The following HMBOX1 variants were observed in gnomAD, a reference collection of about 807,000 sequenced individuals.
The protein encoded by HMBOX1 is homeobox-containing protein 1.
In HMBOX1, 14 loss-of-function variants were observed where a neutral mutation model predicts 54.5. The observed-to-expected ratio is 0.26, with a 90% CI of 0.17 to 0.40. HMBOX1 has a LOEUF of 0.40. Among genes scored for constraint, HMBOX1 ranks in the 10% least tolerant of loss-of-function variants. HMBOX1 has a pLI of 1.00. For synonymous variants in HMBOX1, 160 were observed against 181.0 expected, an observed-to-expected ratio of 0.88 and a Z score of 0.93; for missense variants, 332 against 514.4, an observed-to-expected ratio of 0.65 and a Z score of 3.43.
intron 5 of HMBOX1, 197 bp downstream of exon 5, chr8:29,009,379 TA>T (rs1450304755): frequency 1.3e-6 from 1 of 768,090 alleles, no homozygotes; most frequent in African/African-American, 1.9e-5. Context: ...TAATATTATC[TA>T]GTCATATTCA....
intron 1 of HMBOX1, among the ~76,000 whole-genome samples, chr8:28,932,322 T>G (rs547367179): frequency 6.6e-6 from 1 of 152,200 alleles, no homozygotes; most frequent in African/African-American, 2.4e-5. Context: ...TTGCAAGATT[T>G]TAAGTGGGAG....
At chr8:28,971,290 C>T (rs918485016) in intron 3 of HMBOX1, among the ~76,000 whole-genome samples, 8 of 151,916 alleles carry the variant, frequency 5.3e-5, no homozygotes, top group African/African-American at 1.7e-4. Flanking sequence ...GGAGTTTTTC[C>T]ATGTTGATCA....
Position 28,924,471 on chromosome 8 carries a change from G to T in HMBOX1, c.-58+33793G>T, listed in dbSNP as rs542287892. ...TCTAATTTTTTTTTTTTTTTTTTTG[G>T]TTACCTGTGCTTTTGGTGTCTTGCC... On this transcript the variant is annotated intron_variant, in intron 1 of 9. Coordinates refer to ENST00000287701, the MANE Select transcript of HMBOX1 (RefSeq NM_001135726.3). Among the ~76,000 whole-genome samples, 423 of 116,950 alleles carry T rather than the reference G, an allele frequency of 3.6e-3. 1 individual carries two copies. Among genetic ancestry groups the T allele is most frequent in the Middle Eastern group, 0.023 (5 of 220 alleles). The allele number at this position is 116,950 out of a possible 152,430, so 76.7% of individuals were successfully genotyped here.
chr8:28,896,501 T>C (rs975633530), intron 1 of HMBOX1, among the ~76,000 whole-genome samples: 5 of 148,826 alleles, frequency 3.4e-5, no homozygotes, highest in Admixed American at 1.3e-4. Context: ...AGGAGAAAGA[T>C]AACCAATTAT....
rs189084399 is a variant in HMBOX1 at position 28,941,982 on chromosome 8, C to T, written c.-57-21829C>T. Among the ~76,000 whole-genome samples the T allele has an allele frequency of 2.4e-3, 368 of 152,312 alleles. 4 individuals are homozygous for T. The highest frequency in any genetic ancestry group is 8.7e-3 in the African/African-American group (360 of 41,568). ...CAAGAACAGAAACGAATACTCTTTCCTTACAGCCTCCTTGGGAAGTCCATC... is the reference window on the plus strand; with the variant it reads ...CAAGAACAGAAACGAATACTCTTTCTTTACAGCCTCCTTGGGAAGTCCATC... On this transcript the variant is annotated intron_variant, in intron 1 of 9. Transcript: ENST00000287701.
At chr8:29,022,315 G>C (rs1801314262) in intron 6 of HMBOX1, among the ~76,000 whole-genome samples, 1 of 152,170 alleles carries the variant, frequency 6.6e-6, no homozygotes, top group East Asian at 1.9e-4. Context: ...CCACTCGGGA[G>C]GCTGAGGCAG....
chr8:28,900,291 T>TATATATATATA (rs1554519282), intron 1 of HMBOX1, among the ~76,000 whole-genome samples: 9 of 143,634 alleles, frequency 6.3e-5, no homozygotes, highest in South Asian at 2.2e-4. Context: ...TATATATATA[T>TATATATATATA]TTTGTTTCCT....
At chr8:28,982,676 A>C (rs992854457) in intron 4 of HMBOX1, among the ~76,000 whole-genome samples, 1 of 150,824 alleles carries the variant, frequency 6.6e-6, no homozygotes, top group Non-Finnish European at 1.5e-5. Flanking sequence ...CCCAAGCTAG[A>C]GTGCAATGGT....
At chr8:28,952,150 C>T (rs1328624290) in intron 1 of HMBOX1, among the ~76,000 whole-genome samples, 1 of 139,014 alleles carries the variant, frequency 7.2e-6, no homozygotes, top group African/African-American at 2.6e-5. Context: ...CAGAGTAAGA[C>T]CCTATCTTAA....
At chr8:28,968,156 A>G (rs183764450) in intron 2 of HMBOX1, among the ~76,000 whole-genome samples, 1 of 152,336 alleles carries the variant, frequency 6.6e-6, no homozygotes, top group Non-Finnish European at 1.5e-5. Context: ...TTCAGTAAAA[A>G]CATACGACAT....
At chr8:28,961,294 T>A (rs1170468457) in intron 1 of HMBOX1, among the ~76,000 whole-genome samples, 3 of 152,194 alleles carry the variant, frequency 2.0e-5, no homozygotes, top group Non-Finnish European at 4.4e-5. Context: ...TATACAGCAG[T>A]CACCACCATC....
intron 4 of HMBOX1, 127 bp from the exon 5 acceptor site, chr8:29,008,945 C>G: frequency 1.6e-6 from 1 of 619,634 alleles, no homozygotes; most frequent in Non-Finnish European, 2.9e-6. Context: ...ATAGTTTGCT[C>G]AGGTTGCAAC....
intron 8 of HMBOX1, chr8:29,048,676 C>T: frequency 3.1e-6 from 1 of 326,624 alleles, no homozygotes; most frequent in South Asian, 4.9e-5. Context: ...TCTATAGAAC[C>T]CCAAGATAGG....
intron 4 of HMBOX1, among the ~76,000 whole-genome samples, chr8:28,981,099 C>T (rs1829262878): frequency 6.6e-6 from 1 of 152,140 alleles, no homozygotes; most frequent in East Asian, 1.9e-4. Context: ...ATGATACATA[C>T]TGAAGCTAAT....
At chr8:28,927,889 C>T (rs1304272406) in intron 1 of HMBOX1, among the ~76,000 whole-genome samples, 3 of 147,018 alleles carry the variant, frequency 2.0e-5, no homozygotes, top group African/African-American at 7.6e-5. Flanking sequence ...GTAATCCCAG[C>T]ACTTTGAGAG....
intron 1 of HMBOX1, among the ~76,000 whole-genome samples, chr8:28,957,843 G>A (rs1461421063): frequency 6.6e-6 from 1 of 151,874 alleles, no homozygotes; most frequent in Non-Finnish European, 1.5e-5. Context: ...GGCTGGTCTC[G>A]AGCTCTTGAC....
intron 1 of HMBOX1, among the ~76,000 whole-genome samples, chr8:28,903,545 A>G (rs2131591007): frequency 1.3e-5 from 2 of 152,276 alleles, no homozygotes; most frequent in South Asian, 4.1e-4. Context: ...CAACCTCCTC[A>G]ATAATCCTGT....
chr8:28,923,240 C>G (rs527650092), intron 1 of HMBOX1, among the ~76,000 whole-genome samples: 14 of 152,286 alleles, frequency 9.2e-5, no homozygotes, highest in African/African-American at 3.1e-4. Context: ...ATGGATTTGC[C>G]TGTTCTGGAC....
chr8:28,940,195 C>T (rs1563430274), intron 1 of HMBOX1, among the ~76,000 whole-genome samples: 2 of 152,046 alleles, frequency 1.3e-5, no homozygotes, highest in South Asian at 2.1e-4. Context: ...TTAGTAGAAA[C>T]GGGGTTTCCC....
Sources: allele counts gnomAD v4.1 joint callset (sites outside exome capture counted in the v4.1 genomes callset), GRCh38; gene constraint gnomAD v4.1.1; transcripts MANE v1.5; gene names NCBI Gene and HGNC (gene_info 2026-07-23, HGNC 2026-07-21).